Variants in NCOA2 observed in about 807,000 individuals in gnomAD.
NCOA2 encodes the protein class E basic helix-loop-helix protein 75.
NCOA2 carries 21 observed loss-of-function variants against 145.1 expected under a neutral mutation model. The ratio of observed to expected loss-of-function variants is 0.14; its 90% CI spans 0.10 to 0.21. NCOA2 has a LOEUF of 0.21. Ranked by LOEUF, NCOA2 falls within the 10% of genes least tolerant of loss-of-function variation. The pLI, the probability that NCOA2 is intolerant of heterozygous loss-of-function variation, is 1.00. For synonymous variants in NCOA2, 619 were observed against 637.5 expected (o/e 0.97, Z 0.44); for missense variants, 1,472 against 1,837.6 (o/e 0.80, Z 3.64).
Position 70,334,838 on chromosome 8 carries a change from T to C in NCOA2, c.-76-38038A>G, listed in dbSNP as rs182184532. Reference sequence around the variant, plus strand: ...CATTTTGCTCTGGTCAGATTCTCTCTCCTTGGCTGGGCGCAGTGGCATGTG... The same window carrying C: ...CATTTTGCTCTGGTCAGATTCTCTCCCCTTGGCTGGGCGCAGTGGCATGTG... On this transcript the variant is annotated intron_variant, in intron 1 of 22. Coordinates refer to ENST00000452400, the MANE Select transcript of NCOA2 (RefSeq NM_006540.4). 1.8e-4 allele frequency among the ~76,000 whole-genome samples: 28 copies of C among 152,162 alleles called. No individual in the cohort carries two copies. In the East Asian group the frequency reaches 4.8e-3, roughly 26 times the overall value.
intron 1 of NCOA2, among the ~76,000 whole-genome samples, chr8:70,379,967 T>C (rs2131401591): frequency 6.6e-6 from 1 of 152,246 alleles, no homozygotes; most frequent in Non-Finnish European, 1.5e-5. Context: ...TCAATGAGTA[T>C]GAACTTTATA....
intron 2 of NCOA2, among the ~76,000 whole-genome samples, chr8:70,246,913 A>G (rs981008491): frequency 1.3e-5 from 2 of 152,214 alleles, no homozygotes; most frequent in Non-Finnish European, 2.9e-5. Flanking sequence ...TGCATTATTC[A>G]TAAGTAAACC....
chr8:70,452,789 A>G, the NCOA2 span, among the ~76,000 whole-genome samples: 1 of 152,148 alleles, frequency 6.6e-6, no homozygotes, highest in Non-Finnish European at 1.5e-5. Flanking sequence ...TAAAACTTCA[A>G]TGTCTCCTGG....
chr8:70,391,023 G>A (rs1014663646), intron 1 of NCOA2, among the ~76,000 whole-genome samples: 1 of 152,120 alleles, frequency 6.6e-6, no homozygotes, highest in Non-Finnish European at 1.5e-5. Context: ...AGATCCTAAA[G>A]TAGGAAAGAG....
At chr8:70,409,369 G>A in the NCOA2 span, among the ~76,000 whole-genome samples, 1 of 152,252 alleles carries the variant, frequency 6.6e-6, no homozygotes, top group South Asian at 2.1e-4. Context: ...CAGATCAATG[G>A]AACAGAATAG....
intron 2 of NCOA2, among the ~76,000 whole-genome samples, chr8:70,285,317 T>A (rs922745141): frequency 1.3e-5 from 2 of 152,212 alleles, no homozygotes; most frequent in African/African-American, 4.8e-5. Flanking sequence ...ACTATGTAGT[T>A]AGACAAGGTT....
At chr8:70,409,355 C>A in the NCOA2 span, among the ~76,000 whole-genome samples, 1 of 152,112 alleles carries the variant, frequency 6.6e-6, no homozygotes, top group Non-Finnish European at 1.5e-5. Context: ...TAAGAATAGA[C>A]AAACAGATCA....
chr8:70,180,983 T>A (rs1815411942), intron 4 of NCOA2, among the ~76,000 whole-genome samples: 1 of 152,276 alleles, frequency 6.6e-6, no homozygotes, highest in Non-Finnish European at 1.5e-5. Flanking sequence ...ATTTTTAAAT[T>A]ATCAAGTGAT....
At chr8:70,397,661 C>T (rs1300622133) in intron 1 of NCOA2, among the ~76,000 whole-genome samples, 1 of 152,162 alleles carries the variant, frequency 6.6e-6, no homozygotes, top group African/African-American at 2.4e-5. Flanking sequence ...GAGTGCCATC[C>T]TTACCATACA....
At position 70,156,943 on chromosome 8, in the gene NCOA2, G is replaced by A; in HGVS notation, c.1422C>T (p.Ser474=). 1 of 1,614,042 alleles carries A rather than the reference G, an allele frequency of 6.2e-7. No individual in the cohort carries two copies. The highest frequency in any genetic ancestry group is 1.1e-5 in the South Asian group (1 of 91,088). ...TGGGCTGTCCTGGATTCATGCCAGG[G>A]CTGCTTTGTGAGGGGCTGTTCATTT... is the stretch of plus-strand genomic sequence containing the variant. ...ALKMNSPSQS[S]PGMNPGQPTS... Residue 474 remains serine, a synonymous_variant, in exon 11 of 23, where the codon AGC becomes AGT. Transcript: ENST00000452400.
intron 1 of NCOA2, among the ~76,000 whole-genome samples, chr8:70,306,547 C>T (rs959915212): frequency 3.9e-5 from 6 of 152,102 alleles, no homozygotes; most frequent in African/African-American, 1.4e-4. Flanking sequence ...ACAGGAGCTA[C>T]CTTTTGTTAT....
chr8:70,404,883 A>C (rs1347402802), upstream of NCOA2, among the ~76,000 whole-genome samples: 2 of 152,338 alleles, frequency 1.3e-5, no homozygotes, highest in East Asian at 3.9e-4. Context: ...TAGTTGAAAA[A>C]AAAAACTTTT....
intron 1 of NCOA2, among the ~76,000 whole-genome samples, chr8:70,396,345 C>T (rs960995943): frequency 1.3e-5 from 2 of 152,216 alleles, no homozygotes; most frequent in Non-Finnish European, 2.9e-5. Context: ...ATTGTGAGAA[C>T]AACAGGCAAC....
the NCOA2 span, among the ~76,000 whole-genome samples, chr8:70,429,271 G>A: frequency 1.9e-3 from 282 of 152,324 alleles, 1 homozygote; most frequent in Non-Finnish European, 3.1e-3. Flanking sequence ...CTTCAAGATT[G>A]CTCCTGCTAA....
At chr8:70,163,902 C>G (rs1813328204) in intron 7 of NCOA2, among the ~76,000 whole-genome samples, 1 of 152,078 alleles carries the variant, frequency 6.6e-6, no homozygotes, top group South Asian at 2.1e-4. Context: ...GAAATCCTTT[C>G]TTTTTAAATG....
At chr8:70,394,990 T>C (rs1332747271) in intron 1 of NCOA2, among the ~76,000 whole-genome samples, 1 of 152,198 alleles carries the variant, frequency 6.6e-6, no homozygotes, top group Non-Finnish European at 1.5e-5. Context: ...CTAAGTGTTT[T>C]TGGCAGAGTA....
the NCOA2 span, among the ~76,000 whole-genome samples, chr8:70,423,672 A>G: frequency 6.6e-6 from 1 of 152,164 alleles, no homozygotes; most frequent in African/African-American, 2.4e-5. Flanking sequence ...GCCTTCTGTA[A>G]AGGTTGTCAC....
intron 13 of NCOA2, 146 bp from the exon 14 acceptor site, chr8:70,141,545 G>C: frequency 1.3e-6 from 1 of 758,026 alleles, no homozygotes; most frequent in Non-Finnish European, 2.2e-6. Context: ...GGCAGATGTG[G>C]GACCTTGGCT....
intron 2 of NCOA2, among the ~76,000 whole-genome samples, chr8:70,240,880 T>C (rs1013344308): frequency 1.3e-5 from 2 of 152,088 alleles, no homozygotes; most frequent in African/African-American, 4.8e-5. Context: ...TTATAAAACA[T>C]AACTCCTGTG....
Sources: allele counts gnomAD v4.1 joint callset (sites outside exome capture counted in the v4.1 genomes callset), GRCh38; gene constraint gnomAD v4.1.1; transcripts MANE v1.5; gene names NCBI Gene and HGNC (gene_info 2026-07-23, HGNC 2026-07-21).